UEVLD: variants seen among roughly 807,000 people sequenced by gnomAD.
The protein encoded by UEVLD is ubiquitin-conjugating enzyme E2 variant 3.
A neutral mutation model predicts 58.6 loss-of-function variants in UEVLD; 47 were observed. The observed-to-expected ratio is 0.80, with a 90% CI of 0.63 to 1.02. The LOEUF is 1.02. UEVLD is among the 50% of genes least tolerant of loss of function. The probability of loss-of-function intolerance (pLI) is 0.00; values close to 1 mark genes in which losing one functional copy is unlikely to be tolerated. For missense variants in UEVLD, 510 were observed against 550.6 expected, an observed-to-expected ratio of 0.93 and a Z score of 0.74; for synonymous variants, 197 against 195.3, an observed-to-expected ratio of 1.01 and a Z score of -0.07.
chr11:18,569,338 G>C (rs557102372), intron 4 of UEVLD, among the ~76,000 whole-genome samples: 1 of 152,172 alleles, frequency 6.6e-6, no homozygotes, highest in South Asian at 2.1e-4. Context: ...TTAGAGAAAA[G>C]GTACTGTAAA....
intron 8 of UEVLD, 109 bp downstream of exon 8, chr11:18,546,771 A>T: frequency 8.2e-7 from 1 of 1,219,728 alleles, no homozygotes; most frequent in Non-Finnish European, 1.1e-6. Context: ...TGTTGGGATT[A>T]CTGGTGTGAG....
At chr11:18,553,892 GGT>G (rs1210597517) in intron 7 of UEVLD, among the ~76,000 whole-genome samples, 1 of 152,126 alleles carries the variant, frequency 6.6e-6, no homozygotes, top group Admixed American at 6.6e-5. Flanking sequence ...CTTTTGGGGT[GGT>G]GAAAATGCTG....
chr11:18,561,142 A>G (rs1349324155), intron 6 of UEVLD, among the ~76,000 whole-genome samples: 1 of 152,204 alleles, frequency 6.6e-6, no homozygotes, highest in East Asian at 1.9e-4. Flanking sequence ...GATCTAGAAT[A>G]CAGGCTCTGA....
At chr11:18,561,901 GAA>G (rs372315047) in intron 6 of UEVLD, among the ~76,000 whole-genome samples, 1 of 143,818 alleles carries the variant, frequency 7.0e-6, no homozygotes, top group Non-Finnish European at 1.5e-5. Context: ...TCCATCTCAA[GAA>G]AAAAAAAAGA....
chr11:18,532,782 G>C (rs1319699725), intron 11 of UEVLD, among the ~76,000 whole-genome samples: 1 of 152,078 alleles, frequency 6.6e-6, no homozygotes, highest in African/African-American at 2.4e-5. Context: ...TAGGAGGTTG[G>C]GGGCTAAGAA....
intron 9 of UEVLD, among the ~76,000 whole-genome samples, chr11:18,542,890 C>CTTTTTTTTTTTTTTTTTTTTTTTTTT (rs890676886): frequency 7.9e-6 from 1 of 125,902 alleles, no homozygotes; most frequent in Non-Finnish European, 1.6e-5. Flanking sequence ...CTTTTCTTTT[C>CTTTTTTTTTTTTTTTTTTTTTTTTTT]TTTTTTTTTT....
intron 10 of UEVLD, among the ~76,000 whole-genome samples, chr11:18,535,436 A>T (rs1463895208): frequency 6.6e-6 from 1 of 152,252 alleles, no homozygotes; most frequent in African/African-American, 2.4e-5. Context: ...CCTTTTAAAA[A>T]GTATAAATGC....
At chr11:18,587,411 C>T (rs1438976476) in intron 1 of UEVLD, among the ~76,000 whole-genome samples, 2 of 152,168 alleles carry the variant, frequency 1.3e-5, no homozygotes, top group Non-Finnish European at 2.9e-5. Flanking sequence ...TTCAAAACCT[C>T]CCACGGGTAT....
chr11:18,532,332 CTGT>C lies in UEVLD; in HGVS notation c.1401_1403del (p.Gln468del). 1.9e-6 allele frequency: 3 copies of C among 1,599,066 alleles called. No homozygotes were observed. Among genetic ancestry groups the C allele is most frequent in the Non-Finnish European group, 2.6e-6 (3 of 1,174,970 alleles). On this transcript the variant is annotated inframe_deletion, in exon 12 of 12. Coordinates refer to ENST00000396197, the MANE Select transcript of UEVLD (RefSeq NM_001040697.4). Reference sequence around the variant, plus strand: ...TTGCATTTGAGAATCAAAGTTTTAACTGTTGTTGGAGACTGTGGATTGAGGATG... The same window carrying C: ...TTGCATTTGAGAATCAAAGTTTTAACTGTTGGAGACTGTGGATTGAGGATG...
intron 8 of UEVLD, 138 bp from the exon 9 acceptor site, chr11:18,544,934 A>T: frequency 2.1e-6 from 1 of 482,136 alleles, no homozygotes; most frequent in Non-Finnish European, 3.5e-6. Context: ...ATATACACAC[A>T]CACATATATA....
chr11:18,562,340 G>A (rs185226619), intron 6 of UEVLD, among the ~76,000 whole-genome samples: 13 of 151,606 alleles, frequency 8.6e-5, no homozygotes, highest in Non-Finnish European at 1.3e-4. Flanking sequence ...TCAAGAGCTC[G>A]AGACCAGCCT....
chr11:18,572,305 T>A (rs910852982), intron 3 of UEVLD, among the ~76,000 whole-genome samples: 1 of 152,204 alleles, frequency 6.6e-6, no homozygotes, highest in African/African-American at 2.4e-5. Flanking sequence ...AAAAGTATCA[T>A]TATAACTTAA....
chr11:18,544,989 CACACAT>C (rs1421745509), intron 8 of UEVLD, among the ~76,000 whole-genome samples, 193 bp from the exon 9 acceptor site: 5 of 138,914 alleles, frequency 3.6e-5, no homozygotes, highest in Non-Finnish European at 6.2e-5. Flanking sequence ...CACATACATA[CACACAT>C]ATATATACAC....
chr11:18,567,448 A>T lies in UEVLD; in HGVS notation c.358-966T>A, dbSNP rs113476309. Reference sequence around the variant, plus strand: ...AGAGTCTGAGTTTCACTATTTATAAAGTAAGAAGAGGCTATTAGGGCCAAG... The same window carrying T: ...AGAGTCTGAGTTTCACTATTTATAATGTAAGAAGAGGCTATTAGGGCCAAG... On this transcript the variant is annotated intron_variant, in intron 4 of 11. Coordinates refer to ENST00000396197, the MANE Select transcript of UEVLD (RefSeq NM_001040697.4). Among the ~76,000 whole-genome samples the T allele has an allele frequency of 7.4e-3, 1,121 of 152,346 alleles. 13 individuals carry two copies. The highest frequency in any genetic ancestry group is 0.026 in the African/African-American group (1,070 of 41,562).
rs952118616 is a variant in UEVLD at position 18,532,244 on chromosome 11, C to T, written c.*76G>A. On this transcript the variant is annotated 3_prime_UTR_variant, in exon 12 of 12. Transcript: ENST00000396197. ...GTAAGTAGCAGGATACAGAAATCCT[C>T]AAACCTATATATAGGTAAAATTAAA... The T allele has an allele frequency of 4.4e-6, 6 of 1,353,634 alleles. No homozygotes were observed. The highest frequency in any genetic ancestry group is 5.9e-6 in the Non-Finnish European group (6 of 1,017,870). The allele number at this position is 1,353,634 out of a possible 1,614,324, so 83.9% of individuals were successfully genotyped here. A position where few individuals can be genotyped will look rare whatever the true frequency, so the allele number is the denominator to read the frequency against.
chr11:18,553,686 T>C (rs1415752358), intron 7 of UEVLD, among the ~76,000 whole-genome samples: 1 of 152,196 alleles, frequency 6.6e-6, no homozygotes, highest in Non-Finnish European at 1.5e-5. Flanking sequence ...CAAAAATGAA[T>C]GATGCACTGA....
At chr11:18,544,339 C>A (rs1270144403) in intron 9 of UEVLD, among the ~76,000 whole-genome samples, 1 of 152,158 alleles carries the variant, frequency 6.6e-6, no homozygotes, top group Non-Finnish European at 1.5e-5. Context: ...GATGGGGTTT[C>A]ACCCTGTCAC....
At chr11:18,564,294 T>C (rs981221406) in intron 6 of UEVLD, among the ~76,000 whole-genome samples, 1 of 152,090 alleles carries the variant, frequency 6.6e-6, no homozygotes, top group African/African-American at 2.4e-5. Flanking sequence ...AGCTATTCTA[T>C]TCAGGGCTAC....
At chr11:18,578,310 G>C (rs746555906) in intron 2 of UEVLD, among the ~76,000 whole-genome samples, 1 of 152,218 alleles carries the variant, frequency 6.6e-6, no homozygotes, top group East Asian at 1.9e-4. Flanking sequence ...AGGAGACCAA[G>C]AGCCCAGGAA....
Sources: gnomAD v4.1 joint callset for allele counts (sites outside exome capture counted in the v4.1 genomes callset) on GRCh38, gnomAD v4.1.1 for gene constraint, MANE v1.5 for transcripts, NCBI Gene and HGNC (gene_info 2026-07-23, HGNC 2026-07-21) for gene names.